Variants in WIPF3 observed in about 807,000 individuals in gnomAD.
WIPF3 encodes WAS/WASL-interacting protein family member 3.
In WIPF3, 33 loss-of-function variants were observed where a neutral mutation model predicts 38.9. That is an observed-to-expected ratio of 0.85 (90% CI 0.64 to 1.14). The LOEUF (loss-of-function observed/expected upper bound fraction) is 1.14, where lower values mean the gene tolerates loss of function less well. WIPF3 is among the 50% of genes most tolerant of loss of function. The probability of loss-of-function intolerance (pLI) is 0.00; values close to 1 mark genes in which losing one functional copy is unlikely to be tolerated. For synonymous variants in WIPF3, 324 were observed against 269.3 expected, an observed-to-expected ratio of 1.20 and a Z score of -1.99; for missense variants, 711 against 652.5, an observed-to-expected ratio of 1.09 and a Z score of -0.98.
At position 29,896,937 on chromosome 7, in the gene WIPF3, T is replaced by C. The variant is rs549229872; in HGVS notation, c.1352-7349T>C. ...AAGTACCTCACATGTGCTTGAAAAA[T>C]TCACATTTCAAACATAATTGTGGTT... On this transcript the variant is annotated intron_variant, in intron 7 of 8. Coordinates refer to ENST00000242140, the MANE Select transcript of WIPF3 (RefSeq NM_001080529.3). Among the ~76,000 whole-genome samples the C allele has an allele frequency of 3.7e-4, 57 of 152,230 alleles. 1 individual carries two copies. Among genetic ancestry groups the C allele is most frequent in the Middle Eastern group, 3.4e-3 (1 of 294 alleles).
At chr7:29,888,281 G>A (rs1785927507) in intron 6 of WIPF3, 64 bp downstream of exon 6, 1 of 1,537,142 alleles carries the variant, frequency 6.5e-7, no homozygotes, top group Admixed American at 2.0e-5. Context: ...CCAACCTCTG[G>A]AGAGAGAGTT....
At chr7:29,900,967 AG>A (rs1786263664) in intron 7 of WIPF3, among the ~76,000 whole-genome samples, 1 of 151,898 alleles carries the variant, frequency 6.6e-6, no homozygotes, top group East Asian at 1.9e-4. Flanking sequence ...CAGGAATTGC[AG>A]CCCAGGGCTG....
rs1203499707 is a variant in WIPF3, at chr7:29,875,827, C to T, written c.91-3C>T. ...TAGTCAAATCCCTTTTACTCCCTTA[C>T]AGGTAAGCACAGACACCTCCAGCTT... On this transcript the variant is annotated splice_region_variant and splice_polypyrimidine_tract_variant and intron_variant, in intron 2 of 8. Transcript: ENST00000242140. 1.9e-6 allele frequency: 3 copies of T among 1,613,038 alleles called. No individual in the cohort carries two copies. Among genetic ancestry groups the T allele is most frequent in the Admixed American group, 1.7e-5 (1 of 59,970 alleles).
chr7:29,886,034 A>G (rs2128076486), intron 5 of WIPF3, among the ~76,000 whole-genome samples: 1 of 152,346 alleles, frequency 6.6e-6, no homozygotes, highest in East Asian at 1.9e-4. Context: ...AAGCATGACA[A>G]TATATTCCAT....
chr7:29,902,885 C>T (rs1786317107), intron 7 of WIPF3, among the ~76,000 whole-genome samples: 1 of 151,752 alleles, frequency 6.6e-6, no homozygotes, highest in South Asian at 2.1e-4. Context: ...GGTGATTCTA[C>T]CACTTAGAAG....
At chr7:29,851,417 A>G (rs567229590) in intron 2 of WIPF3, among the ~76,000 whole-genome samples, 6 of 152,166 alleles carry the variant, frequency 3.9e-5, no homozygotes, top group African/African-American at 1.2e-4. Flanking sequence ...TTTCAATGGA[A>G]TCATCAAATC....
At chr7:29,867,318 G>A (rs900681051) in intron 2 of WIPF3, among the ~76,000 whole-genome samples, 1 of 152,172 alleles carries the variant, frequency 6.6e-6, no homozygotes, top group African/African-American at 2.4e-5. Context: ...TGGATGAATG[G>A]GGAGAAGCCC....
At chr7:29,833,990 CA>C (rs1459656495) in intron 1 of WIPF3, among the ~76,000 whole-genome samples, 1 of 152,128 alleles carries the variant, frequency 6.6e-6, no homozygotes, top group African/African-American at 2.4e-5. Context: ...CTATTTGAAA[CA>C]GAATCATATT....
intron 2 of WIPF3, among the ~76,000 whole-genome samples, chr7:29,875,543 G>C (rs1041482869): frequency 6.6e-6 from 1 of 152,144 alleles, no homozygotes; most frequent in African/African-American, 2.4e-5. Flanking sequence ...GAGTGTAAGA[G>C]AGAGGAAAGA....
In WIPF3 at chr7:29,914,646, T is replaced by TCACATATTTACA; in HGVS notation, c.*130_*131insCACATATTTACA. On this transcript the variant is annotated 3_prime_UTR_variant, in exon 9 of 9. Transcript: ENST00000242140. ...GAATTGAGAATTTATTTATTGTAAATATGTGATTTGCACGGGCTTTAAAGC... is the reference window on the plus strand; with the variant it reads ...GAATTGAGAATTTATTTATTGTAAATCACATATTTACAATGTGATTTGCACGGGCTTTAAAGC... The TCACATATTTACA allele has an allele frequency of 3.5e-6, 2 of 576,390 alleles. No individual in the cohort carries two copies. The highest frequency in any genetic ancestry group is 5.7e-5 in the South Asian group (1 of 17,490). 35.7% of individuals were successfully genotyped at this position (576,390 alleles called of 1,614,324 possible). A position where few individuals can be genotyped will look rare whatever the true frequency, so the allele number is the denominator to read the frequency against.
At chr7:29,900,641 A>C (rs1786256292) in intron 7 of WIPF3, among the ~76,000 whole-genome samples, 1 of 152,242 alleles carries the variant, frequency 6.6e-6, no homozygotes, top group South Asian at 2.1e-4. Flanking sequence ...ATTTCCAATC[A>C]CACTTGTCAT....
Position 29,884,361 on chromosome 7 carries a change from TC to T in WIPF3, c.870del (p.Ala291ProfsTer83). The T allele has an allele frequency of 7.6e-7, 1 of 1,317,926 alleles. No individual in the cohort carries two copies. The highest frequency in any genetic ancestry group is 1.9e-5 in the African/African-American group (1 of 53,806). The allele number at this position is 1,317,926 out of a possible 1,614,324, so 81.6% of individuals were successfully genotyped here. A position where few individuals can be genotyped will look rare whatever the true frequency, so the allele number is the denominator to read the frequency against. Reference protein sequence around the residue: ...ASPAQDAQEPPAPPPPLPPYA... With the variant: ...ASPAQDAQEPXAPPPPLPPYA... ...GCCCTGCGCAAGATGCGCAGGAGCC[TC>T]CCGCCCCGCCGCCCCCGCTCCCCCC... On this transcript the variant is annotated frameshift_variant, in exon 5 of 9. Transcript: ENST00000242140. LOFTEE classifies it high-confidence loss of function.
At chr7:29,847,996 A>G (rs174946) in intron 2 of WIPF3, among the ~76,000 whole-genome samples, 112,878 of 152,026 alleles carry the variant, frequency 0.74, 42,557 homozygotes, top group East Asian at 0.87. Context: ...TTAATTCCAA[A>G]CAATGTGCAG....
intron 6 of WIPF3, among the ~76,000 whole-genome samples, chr7:29,888,541 A>G (rs1296187448): frequency 6.8e-6 from 1 of 146,430 alleles, no homozygotes; most frequent in African/African-American, 2.5e-5. Context: ...GTGTCTATGG[A>G]GAAATCAATG....
At chr7:29,826,087 G>A (rs185272689) in intron 1 of WIPF3, among the ~76,000 whole-genome samples, 15 of 152,300 alleles carry the variant, frequency 9.8e-5, no homozygotes, top group Admixed American at 9.2e-4. Context: ...ATGAAAATGA[G>A]CCTTTTCAGC....
chr7:29,837,544 G>C (rs1784825428), intron 2 of WIPF3, among the ~76,000 whole-genome samples: 1 of 152,048 alleles, frequency 6.6e-6, no homozygotes, highest in Admixed American at 6.5e-5. Flanking sequence ...TGTACATTTG[G>C]TTAAATTTTT....
At position 29,849,088 on chromosome 7, in the gene WIPF3, T is replaced by G. The variant is rs558564811; in HGVS notation, c.90+14274T>G. 5.3e-4 allele frequency among the ~76,000 whole-genome samples: 81 copies of G among 152,274 alleles called. 2 individuals are homozygous for G. Among genetic ancestry groups the G allele is most frequent in the African/African-American group, 1.8e-3 (75 of 41,562 alleles). ...TTCATAAGTCATCTGCTTGAAATTCTGTATGTCACTGTGATTTATTCCCCT... is the reference window on the plus strand; with the variant it reads ...TTCATAAGTCATCTGCTTGAAATTCGGTATGTCACTGTGATTTATTCCCCT... On this transcript the variant is annotated intron_variant, in intron 2 of 8. Transcript: ENST00000242140.
chr7:29,906,618 C>G (rs1000212843), intron 8 of WIPF3, among the ~76,000 whole-genome samples: 1 of 152,104 alleles, frequency 6.6e-6, no homozygotes, highest in African/African-American at 2.4e-5. Flanking sequence ...AAAAGACTCT[C>G]TGAAGAAATA....
At chr7:29,860,131 A>G (rs1389734658) in intron 2 of WIPF3, among the ~76,000 whole-genome samples, 7 of 152,192 alleles carry the variant, frequency 4.6e-5, no homozygotes, top group Non-Finnish European at 1.0e-4. Context: ...ATCTGCATCT[A>G]GAGAACTAAA....
Sources: gnomAD v4.1 joint callset for allele counts (sites outside exome capture counted in the v4.1 genomes callset) on GRCh38, gnomAD v4.1.1 for gene constraint, MANE v1.5 for transcripts, NCBI Gene and HGNC (gene_info 2026-07-23, HGNC 2026-07-21) for gene names.